LRRC56: variants seen among roughly 807,000 people sequenced by gnomAD.
LRRC56 encodes the protein leucine-rich repeat-containing protein 56.
A neutral mutation model predicts 47.8 loss-of-function variants in LRRC56; 41 were observed. The ratio of observed to expected loss-of-function variants is 0.86; its 90% confidence interval spans 0.67 to 1.11. The LOEUF is 1.11. LRRC56 is among the 50% of genes most tolerant of loss of function. The pLI, the probability that LRRC56 is intolerant of heterozygous loss-of-function variation, is 0.00. For missense variants in LRRC56, 759 were observed against 704.2 expected, an observed-to-expected ratio of 1.08 and a Z score of -0.88; for synonymous variants, 387 against 311.2, an observed-to-expected ratio of 1.24 and a Z score of -2.56.
In LRRC56 at chr11:541,739, G is replaced by A. The variant is rs1197541877; in HGVS notation, c.265+115G>A. The stretch of plus-strand genomic sequence containing the variant: ...TCCTCACCTCTCGGGCCGCGTATCG[G>A]CTTCCTTAGGGTTGGCCTCTGACCT... On this transcript the variant is annotated intron_variant, in intron 5 of 13. Transcript: ENST00000270115. The surrounding 1 kb of genome is among the most constrained non-coding windows in gnomAD (Gnocchi z 4.1). The A allele has an allele frequency of 2.2e-5, 14 of 647,870 alleles. No individual in the cohort carries two copies. The highest frequency in any genetic ancestry group is 2.5e-4 in the Middle Eastern group (1 of 3,930). 40.1% of individuals were successfully genotyped at this position (647,870 alleles called of 1,614,324 possible). A position where few individuals can be genotyped will look rare whatever the true frequency, so the allele number is the denominator to read the frequency against.
chr11:534,359 A>AG, upstream of LRRC56: 1 of 1,536,092 alleles, frequency 6.5e-7, no homozygotes, highest in African/African-American at 1.4e-5. Flanking sequence ...GTCCTCCTAC[A>AG]GGGTCTCCTG....
the LRRC56 span, chr11:532,496 C>A: frequency 8.5e-7 from 1 of 1,171,992 alleles, no homozygotes; most frequent in Non-Finnish European, 1.2e-6. Context: ...CTTCCTGCAT[C>A]CGGCACCTCC....
upstream of LRRC56, chr11:534,369 GC>G: frequency 1.4e-6 from 2 of 1,468,656 alleles, no homozygotes; most frequent in Non-Finnish European, 9.4e-7. Flanking sequence ...AGGGTCTCCT[GC>G]CCCACCTGCC....
upstream of LRRC56, chr11:534,631 G>A (rs1325157824): frequency 8.1e-6 from 4 of 494,428 alleles, no homozygotes; most frequent in African/African-American, 3.9e-5. Context: ...TGACAGCTGA[G>A]CGCTCTCAAC....
At chr11:513,811 A>G in the LRRC56 span, among the ~76,000 whole-genome samples, 5 of 140,604 alleles carry the variant, frequency 3.6e-5, no homozygotes, top group African/African-American at 5.4e-5. Context: ...TAAGAGCAAA[A>G]CTCCATCTCA....
intron 6 of LRRC56, among the ~76,000 whole-genome samples, chr11:545,574 G>A (rs967011110): frequency 3.9e-5 from 6 of 152,142 alleles, no homozygotes; most frequent in Non-Finnish European, 8.8e-5. Flanking sequence ...GGCAGCTCCC[G>A]GGAGAGGCAC....
the LRRC56 span, among the ~76,000 whole-genome samples, chr11:516,936 C>T: frequency 5.3e-5 from 8 of 152,342 alleles, no homozygotes; most frequent in African/African-American, 1.9e-4. Context: ...TGCAGCCTCC[C>T]TGCCCCGGGC....
rs756073397 is a variant in LRRC56 at position 552,688 on chromosome 11, C to G, written c.1301C>G (p.Pro434Arg). ...GAGCCCAAGACTCCCTCCAGCCCCC[C>G]AAGCCTGGCCTCAGGTACTGAGCCT... ...QAEPKTPSSPPSLASEPSGTS... is the reference protein window; with the variant it reads ...QAEPKTPSSPRSLASEPSGTS... The change falls in exon 13 of 14, where the codon CCA (proline) becomes CGA (arginine). Residue 434 changes from proline to arginine, a missense_variant. Coordinates refer to ENST00000270115, the MANE Select transcript of LRRC56 (RefSeq NM_198075.4). 6.2e-7 allele frequency: 1 copy of G among 1,606,794 alleles called. No homozygotes were observed. The highest frequency in any genetic ancestry group is 8.5e-7 in the Non-Finnish European group (1 of 1,176,846).
At chr11:509,520 G>C in the LRRC56 span, among the ~76,000 whole-genome samples, 1 of 152,102 alleles carries the variant, frequency 6.6e-6, no homozygotes, top group African/African-American at 2.4e-5. Flanking sequence ...GGACAGTGCG[G>C]CCACAGCCCC....
At chr11:552,450 T>C (rs1161175241) in intron 12 of LRRC56, 119 bp from the exon 13 acceptor site, 1 of 1,192,156 alleles carries the variant, frequency 8.4e-7, no homozygotes, top group Non-Finnish European at 1.2e-6. Context: ...CGTGGGGGGA[T>C]CAGGGCTGGG....
In LRRC56 at chr11:551,689, G is replaced by C; in HGVS notation, c.835G>C (p.Glu279Gln). The C allele has an allele frequency of 6.2e-7, 1 of 1,606,380 alleles. No individual in the cohort carries two copies. Among genetic ancestry groups the C allele is most frequent in the Non-Finnish European group, 8.5e-7 (1 of 1,176,514 alleles). Residue 279 changes from glutamate to glutamine, a missense_variant, in exon 10 of 14, where the codon GAG becomes CAG. Glu to Gln is a conservative substitution (Grantham distance 29). Coordinates refer to ENST00000270115, the MANE Select transcript of LRRC56 (RefSeq NM_198075.4). ...AGCCCCCATCCGGAGACTTGACCCC[G>C]AGCTGTCCCTGCCTGAGACGCAGTC... is the stretch of plus-strand genomic sequence containing the variant. ...RGAPIRRLDP[E>Q]LSLPETQSRA... is the part of the protein sequence containing the mutation.
At chr11:525,793 G>T in the LRRC56 span, among the ~76,000 whole-genome samples, 1 of 152,058 alleles carries the variant, frequency 6.6e-6, no homozygotes, top group South Asian at 2.1e-4. Flanking sequence ...CTAGCTACTC[G>T]GGAGACTGAA....
chr11:516,299 A>G, the LRRC56 span, among the ~76,000 whole-genome samples: 2 of 152,208 alleles, frequency 1.3e-5, no homozygotes, highest in East Asian at 1.9e-4. Context: ...AGGCTGAGGT[A>G]CAAGAATCAC....
At chr11:534,359 AG>A, upstream of LRRC56, 1 of 1,536,092 alleles carries the variant, frequency 6.5e-7, no homozygotes, top group Non-Finnish European at 8.9e-7. Flanking sequence ...GTCCTCCTAC[AG>A]GGTCTCCTGC....
chr11:542,845 G>A (rs528508528), intron 5 of LRRC56, among the ~76,000 whole-genome samples: 1 of 152,124 alleles, frequency 6.6e-6, no homozygotes, highest in Admixed American at 6.5e-5. Context: ...ACCTGTACAT[G>A]ACTCTTAGCC....
At chr11:532,729 C>T (rs140060409), upstream of LRRC56, 5,744 of 1,613,094 alleles carry the variant, frequency 3.6e-3, 17 homozygotes, top group Non-Finnish European at 4.6e-3. Context: ...TCTCACGCAC[C>T]AACGTGTAGA....
chr11:554,297 T>C lies in LRRC56; in HGVS notation c.*21T>C. 3 of 1,474,990 alleles carry C rather than the reference T, an allele frequency of 2.0e-6. No homozygotes were observed. The highest frequency in any genetic ancestry group is 2.7e-6 in the Non-Finnish European group (3 of 1,116,990). 91.4% of individuals were successfully genotyped at this position (1,474,990 alleles called of 1,614,324 possible). On this transcript the variant is annotated 3_prime_UTR_variant, in exon 14 of 14. Transcript: ENST00000270115. ...CTTAATATAGCCCCCACTGCCAGGC[T>C]TCCCTGTGCTGGGGCCACGACTTGC...
rs371927586 is a variant in LRRC56, at chr11:550,112, C to T, written c.464C>T (p.Pro155Leu). 16 of 1,613,338 alleles carry T rather than the reference C, an allele frequency of 9.9e-6. No homozygotes were observed. The highest frequency in any genetic ancestry group is 1.2e-5 in the Non-Finnish European group (14 of 1,179,830). Residue 155 changes from proline to leucine, a missense_variant, in exon 8 of 14, where the codon CCA becomes CTA. Pro to Leu is a moderately conservative substitution (Grantham distance 98). Coordinates refer to ENST00000270115, the MANE Select transcript of LRRC56 (RefSeq NM_198075.4). ...ASYNNISDLS[P>L]LCLLEQLEVL... ...TACAACAACATCTCGGACCTGAGCC[C>T]ACTGTGCCTGCTGGAACAATTGGAG... is the stretch of plus-strand genomic sequence containing the variant.
At chr11:517,748 AGAAAG>A in the LRRC56 span, among the ~76,000 whole-genome samples, 7 of 152,148 alleles carry the variant, frequency 4.6e-5, no homozygotes, top group Non-Finnish European at 1.0e-4. Context: ...TGTGGGGAAA[AGAAAG>A]AGAGGTCAGA....
Sources: gnomAD v4.1 joint callset for allele counts (sites outside exome capture counted in the v4.1 genomes callset) on GRCh38, gnomAD v4.1.1 for gene constraint, Gnocchi (gnomAD v3.1) non-coding constraint, MANE v1.5 for transcripts, NCBI Gene and HGNC (gene_info 2026-07-23, HGNC 2026-07-21) for gene names.